Variants in STPG2 observed in about 807,000 individuals in gnomAD.
STPG2 encodes the protein sperm-tail PG-rich repeat-containing protein 2.
In STPG2, 56 loss-of-function variants were observed where a neutral mutation model predicts 54.2. The observed-to-expected ratio is 1.03, with a 90% CI of 0.83 to 1.29. The LOEUF (loss-of-function observed/expected upper bound fraction) is 1.29, where lower values mean the gene tolerates loss of function less well. Among genes scored for constraint, STPG2 ranks in the 50% most tolerant of loss-of-function variants. The probability of loss-of-function intolerance (pLI) is 0.00; values close to 1 mark genes in which losing one functional copy is unlikely to be tolerated. For missense variants in STPG2, 596 were observed against 544.9 expected, an observed-to-expected ratio of 1.09 and a Z score of -0.93; for synonymous variants, 200 against 181.8, an observed-to-expected ratio of 1.10 and a Z score of -0.81.
At chr4:98,008,555 TAAATAGTTTTATA>T (rs1735644707) in intron 5 of STPG2, among the ~76,000 whole-genome samples, 1 of 148,542 alleles carries the variant, frequency 6.7e-6, no homozygotes, top group Non-Finnish European at 1.5e-5. Flanking sequence ...ACAGGTTTTA[TAAATAGTTTTATA>T]AAAACTCACA....
chr4:97,847,596 A>G (rs1028131566), intron 8 of STPG2, among the ~76,000 whole-genome samples: 2 of 152,184 alleles, frequency 1.3e-5, no homozygotes, highest in Admixed American at 6.6e-5. Flanking sequence ...CACATAGGGA[A>G]TAACACAACA....
Position 97,965,918 on chromosome 4 carries a change from A to C in STPG2, c.933+6362T>G, listed in dbSNP as rs561743726. 2.0e-5 allele frequency among the ~76,000 whole-genome samples: 3 copies of C among 152,352 alleles called. No homozygotes were observed. The East Asian group carries it at 5.8e-4, about 29-fold the overall frequency. On this transcript the variant is annotated intron_variant, in intron 7 of 10. Transcript: ENST00000295268. Reference sequence around the variant, plus strand: ...AACCACAAAGATGGGGAGAAACCAAAGCAGAAAAGCTGAAAATTCTAAAAA... The same window carrying C: ...AACCACAAAGATGGGGAGAAACCAACGCAGAAAAGCTGAAAATTCTAAAAA...
intron 4 of STPG2, among the ~76,000 whole-genome samples, chr4:97,447,341 C>G (rs1241885992): frequency 1.3e-5 from 2 of 152,148 alleles, no homozygotes; most frequent in Non-Finnish European, 2.9e-5. Context: ...GAAATTCAAG[C>G]CATCTGCAGA....
At chr4:97,612,147 T>A (rs1426472649) in intron 10 of STPG2, among the ~76,000 whole-genome samples, 1 of 150,350 alleles carries the variant, frequency 6.7e-6, no homozygotes, top group Non-Finnish European at 1.5e-5. Context: ...ACAAAAAAAA[T>A]AAAATTGGTT....
chr4:97,746,811 AG>A (rs1365967347), intron 9 of STPG2, among the ~76,000 whole-genome samples: 3 of 151,286 alleles, frequency 2.0e-5, no homozygotes, highest in African/African-American at 7.3e-5. Flanking sequence ...AAATAATCAC[AG>A]CAATGAGAAA....
chr4:97,549,197 T>C (rs1315140336), intron 4 of STPG2, among the ~76,000 whole-genome samples: 2 of 152,174 alleles, frequency 1.3e-5, no homozygotes, highest in African/African-American at 4.8e-5. Flanking sequence ...AATGTCTCCA[T>C]CTGCAGTTAG....
chr4:97,508,164 C>G (rs1366649535), intron 4 of STPG2, among the ~76,000 whole-genome samples: 1 of 151,876 alleles, frequency 6.6e-6, no homozygotes, highest in Non-Finnish European at 1.5e-5. Context: ...CTTTATTATG[C>G]CATAGTAACC....
At chr4:97,633,186 T>G (rs370315539) in intron 10 of STPG2, among the ~76,000 whole-genome samples, 1 of 152,176 alleles carries the variant, frequency 6.6e-6, no homozygotes, top group African/African-American at 2.4e-5. Flanking sequence ...CTAAAACTTA[T>G]AGAAGGACTT....
intron 4 of STPG2, among the ~76,000 whole-genome samples, chr4:97,539,035 G>A (rs530917513): frequency 1.3e-4 from 20 of 152,300 alleles, no homozygotes; most frequent in African/African-American, 4.8e-4. Context: ...AAGAGCTCCT[G>A]AAGGAAGCAC....
intron 10 of STPG2, among the ~76,000 whole-genome samples, chr4:97,566,591 A>C (rs1340858186): frequency 1.3e-5 from 2 of 151,938 alleles, no homozygotes; most frequent in East Asian, 3.9e-4. Context: ...TTGTATGTTT[A>C]TTGCGGCACT....
intron 10 of STPG2, among the ~76,000 whole-genome samples, chr4:97,675,507 G>T (rs1030713424): frequency 1.3e-5 from 2 of 152,040 alleles, no homozygotes; most frequent in African/African-American, 4.8e-5. Context: ...AGCTTGACAG[G>T]CCTCTTTGAA....
chr4:97,666,802 A>G (rs1223001323), intron 10 of STPG2, among the ~76,000 whole-genome samples: 1 of 152,210 alleles, frequency 6.6e-6, no homozygotes, highest in Non-Finnish European at 1.5e-5. Context: ...TCATAAAGAT[A>G]TTATTAGAGC....
chr4:97,532,264 A>G (rs2148854072), intron 4 of STPG2, among the ~76,000 whole-genome samples: 1 of 152,234 alleles, frequency 6.6e-6, no homozygotes, highest in East Asian at 1.9e-4. Context: ...TATATACTTC[A>G]GATTTCTTAA....
chr4:98,044,877 C>T (rs1052524943), intron 5 of STPG2, among the ~76,000 whole-genome samples: 3 of 152,090 alleles, frequency 2.0e-5, no homozygotes, highest in Non-Finnish European at 4.4e-5. Context: ...TGCACTGGAC[C>T]GAAGGCTGAG....
intron 10 of STPG2, among the ~76,000 whole-genome samples, chr4:97,597,683 TC>T (rs1733335418): frequency 6.7e-6 from 1 of 148,212 alleles, no homozygotes; most frequent in Non-Finnish European, 1.5e-5. Context: ...AAATTCAACA[TC>T]CCTTCATGTT....
chr4:97,970,570 T>C (rs1226696558), intron 7 of STPG2, among the ~76,000 whole-genome samples: 4 of 152,212 alleles, frequency 2.6e-5, no homozygotes, highest in Non-Finnish European at 5.9e-5. Context: ...AAGGATTCCC[T>C]ATTTAATAAA....
At chr4:97,664,520 T>A (rs987909709) in intron 10 of STPG2, among the ~76,000 whole-genome samples, 1 of 152,182 alleles carries the variant, frequency 6.6e-6, no homozygotes, top group Non-Finnish European at 1.5e-5. Flanking sequence ...GTATATCCAA[T>A]GGACTACCCA....
chr4:98,062,909 T>C (rs1371927560), intron 5 of STPG2, among the ~76,000 whole-genome samples: 1 of 151,982 alleles, frequency 6.6e-6, no homozygotes, highest in Non-Finnish European at 1.5e-5. Flanking sequence ...ATCTTCTTTT[T>C]TTAATTTTAT....
intron 5 of STPG2, among the ~76,000 whole-genome samples, chr4:98,103,381 C>T (rs1739100377): frequency 6.6e-6 from 1 of 152,072 alleles, no homozygotes; most frequent in Admixed American, 6.6e-5. Context: ...GTGACTCACA[C>T]CTGTAATCCT....
Sources: allele counts gnomAD v4.1 joint callset (sites outside exome capture counted in the v4.1 genomes callset), GRCh38; gene constraint gnomAD v4.1.1; transcripts MANE v1.5; gene names NCBI Gene and HGNC (gene_info 2026-07-23, HGNC 2026-07-21).